SYN3: variants seen among roughly 807,000 people sequenced by gnomAD.
The protein encoded by SYN3 is synapsin III.
A neutral mutation model predicts 65.8 loss-of-function variants in SYN3; 35 were observed. The ratio of observed to expected loss-of-function variants is 0.53; its 90% confidence interval spans 0.41 to 0.70. The LOEUF (loss-of-function observed/expected upper bound fraction) is 0.70. Among genes scored for constraint, SYN3 ranks in the 30% least tolerant of loss-of-function variants. The pLI, the probability that SYN3 is intolerant of heterozygous loss-of-function variation, is 0.00. For synonymous variants in SYN3, 270 were observed against 292.9 expected (o/e 0.92, Z 0.80); for missense variants, 680 against 749.0 (o/e 0.91, Z 1.08).
In SYN3 at chr22:32,666,730, C is replaced by T. The variant is rs1601874665; in HGVS notation, c.712-69994G>A. 2.0e-5 allele frequency among the ~76,000 whole-genome samples: 3 copies of T among 152,306 alleles called. No homozygotes were observed. The East Asian group carries it at 5.8e-4, about 29-fold the overall frequency. On this transcript the variant is annotated intron_variant, in intron 6 of 13. Coordinates refer to ENST00000358763, the MANE Select transcript of SYN3 (RefSeq NM_003490.4). ...TCCATCTAACATGCCATCCAGTTGA[C>T]TTTATTTTCTGTTCATTGTCTGTTT...
At chr22:32,748,975 G>GC (rs2045027085) in intron 6 of SYN3, among the ~76,000 whole-genome samples, 1 of 152,094 alleles carries the variant, frequency 6.6e-6, no homozygotes, top group African/African-American at 2.4e-5. Context: ...GGGACATTTT[G>GC]CCCCCGCTCC....
Position 32,710,098 on chromosome 22 carries a change from C to CACACACATAT in SYN3, c.712-113363_712-113362insATATGTGTGT, listed in dbSNP as rs71320948. Among the ~76,000 whole-genome samples, 316 of 129,610 alleles carry CACACACATAT rather than the reference C, an allele frequency of 2.4e-3. 2 individuals are homozygous for CACACACATAT. Among genetic ancestry groups the CACACACATAT allele is most frequent in the African/African-American group, 8.0e-3 (290 of 36,220 alleles). 85.0% of individuals were successfully genotyped at this position (129,610 alleles called of 152,430 possible). On this transcript the variant is annotated intron_variant, in intron 6 of 13. Transcript: ENST00000358763. The stretch of plus-strand genomic sequence containing the variant: ...ATGCACACACACACACACACACACA[C>CACACACATAT]ATGTGTGTGTGTATGTGTGTGTGTG...
At chr22:32,959,604 A>G (rs1321601342) in intron 3 of SYN3, among the ~76,000 whole-genome samples, 1 of 150,738 alleles carries the variant, frequency 6.6e-6, no homozygotes, top group Admixed American at 6.6e-5. Context: ...GGCCTCAGAC[A>G]CTTTTTTTTT....
chr22:32,744,034 G>C (rs547469728), intron 6 of SYN3, among the ~76,000 whole-genome samples: 1 of 152,104 alleles, frequency 6.6e-6, no homozygotes, highest in Non-Finnish European at 1.5e-5. Flanking sequence ...TTCATGAGAT[G>C]ATGACCCCTT....
chr22:32,833,621 T>C (rs1396325507), intron 6 of SYN3, among the ~76,000 whole-genome samples: 1 of 152,220 alleles, frequency 6.6e-6, no homozygotes, highest in Non-Finnish European at 1.5e-5. Context: ...TAGTTTAACA[T>C]GTCCTTCTGG....
chr22:33,009,629 ATTGT>A (rs1373500819), intron 1 of SYN3, among the ~76,000 whole-genome samples: 1 of 152,002 alleles, frequency 6.6e-6, no homozygotes, highest in Non-Finnish European at 1.5e-5. Context: ...AAAAAAGTGA[ATTGT>A]TTATTTGAGA....
At chr22:32,737,770 C>T (rs1191931160) in intron 6 of SYN3, among the ~76,000 whole-genome samples, 1 of 152,286 alleles carries the variant, frequency 6.6e-6, no homozygotes, top group African/African-American at 2.4e-5. Context: ...TTCCCATCCT[C>T]CCTAGAGATC....
At chr22:32,611,131 A>T (rs2059436570) in intron 6 of SYN3, among the ~76,000 whole-genome samples, 1 of 152,140 alleles carries the variant, frequency 6.6e-6, no homozygotes, top group Admixed American at 6.5e-5. Flanking sequence ...GCAGCTCATG[A>T]ATTTTTAACA....
chr22:32,728,100 T>C (rs1381597525), intron 6 of SYN3, among the ~76,000 whole-genome samples: 1 of 152,172 alleles, frequency 6.6e-6, no homozygotes, highest in African/African-American at 2.4e-5. Context: ...CAAGATGGAT[T>C]AAAGACTTAA....
intron 3 of SYN3, among the ~76,000 whole-genome samples, chr22:32,962,891 C>A (rs5998674): frequency 0.036 from 5,354 of 150,656 alleles, 310 homozygotes; most frequent in African/African-American, 0.12. Flanking sequence ...CTATCTCTCT[C>A]TATATATATA....
intron 6 of SYN3, among the ~76,000 whole-genome samples, chr22:32,770,971 A>T (rs2045754298): frequency 6.6e-6 from 1 of 151,890 alleles, no homozygotes; most frequent in Non-Finnish European, 1.5e-5. Flanking sequence ...TACATGTGCC[A>T]TGGTGGTTTG....
chr22:32,856,963 A>ATT (rs2048386798), intron 6 of SYN3, among the ~76,000 whole-genome samples: 1 of 152,202 alleles, frequency 6.6e-6, no homozygotes, highest in Admixed American at 6.5e-5. Flanking sequence ...CTCCAGTTCC[A>ATT]GCTGCATTGC....
intron 6 of SYN3, among the ~76,000 whole-genome samples, chr22:32,831,938 T>C (rs148968150): frequency 2.0e-5 from 3 of 152,260 alleles, no homozygotes; most frequent in Non-Finnish European, 4.4e-5. Flanking sequence ...AGCTGAATAA[T>C]GTGCCCTCCT....
rs1444445726 is a variant in SYN3, at chr22:32,511,093, C to A, written c.*2599G>T. On this transcript the variant is annotated 3_prime_UTR_variant, in exon 14 of 14. Transcript: ENST00000358763. The stretch of plus-strand genomic sequence containing the variant: ...ATTTATACTCTCTTCTGTTAGATTT[C>A]TTTTAACAGAATAACTTTAAAAGGT... Among the ~76,000 whole-genome samples, 1 of 151,678 alleles carries A rather than the reference C, an allele frequency of 6.6e-6. No homozygotes were observed. Among genetic ancestry groups the A allele is most frequent in the Non-Finnish European group, 1.5e-5 (1 of 67,970 alleles).
intron 6 of SYN3, among the ~76,000 whole-genome samples, chr22:32,743,567 T>C (rs2147407946): frequency 6.6e-6 from 1 of 152,194 alleles, no homozygotes. Context: ...AAGAGGTAAG[T>C]CTTGGGAAGA....
intron 3 of SYN3, among the ~76,000 whole-genome samples, chr22:32,968,423 A>G (rs1284198954): frequency 6.6e-6 from 1 of 152,206 alleles, no homozygotes; most frequent in Non-Finnish European, 1.5e-5. Context: ...CAGCCTGTGC[A>G]TTCTAAAATG....
intron 4 of SYN3, among the ~76,000 whole-genome samples, chr22:32,877,629 T>C (rs996888667): frequency 6.6e-6 from 1 of 152,210 alleles, no homozygotes; most frequent in Non-Finnish European, 1.5e-5. Context: ...AAATGCACCC[T>C]GCTAGAGAAG....
chr22:32,990,369 C>A (rs1348827060), intron 2 of SYN3, among the ~76,000 whole-genome samples: 1 of 150,718 alleles, frequency 6.6e-6, no homozygotes, highest in Non-Finnish European at 1.5e-5. Flanking sequence ...CATATTCATC[C>A]ATCCATGCAT....
Position 32,850,266 on chromosome 22 carries a change from C to T in SYN3, c.711+14649G>A, listed in dbSNP as rs369057209. 2.4e-4 allele frequency among the ~76,000 whole-genome samples: 36 copies of T among 152,016 alleles called. No homozygotes were observed. The East Asian group carries it at 2.5e-3, about 11-fold the overall frequency. On this transcript the variant is annotated intron_variant, in intron 6 of 13. Coordinates refer to ENST00000358763, the MANE Select transcript of SYN3 (RefSeq NM_003490.4). ...TAGTCTCACCTCTACTCCTAAATAG[C>T]CTGCTTACCTTGGGCTTGTCCCTTT...
Sources: allele counts gnomAD v4.1 joint callset (sites outside exome capture counted in the v4.1 genomes callset), GRCh38; gene constraint gnomAD v4.1.1; transcripts MANE v1.5; gene names NCBI Gene and HGNC (gene_info 2026-07-23, HGNC 2026-07-21).